ETV5: variants seen among roughly 807,000 people sequenced by gnomAD.
The protein encoded by ETV5 is ETS variant transcription factor 5.
Under a neutral mutation model 70.0 loss-of-function variants are expected in ETV5, and 10 were observed. That is an observed-to-expected ratio of 0.14 (90% confidence interval 0.09 to 0.24). The LOEUF (loss-of-function observed/expected upper bound fraction) is 0.24, where lower values mean the gene tolerates loss of function less well. Ranked by LOEUF, ETV5 falls within the 10% of genes least tolerant of loss-of-function variation. ETV5 has a pLI of 1.00. For missense variants in ETV5, 453 were observed against 651.2 expected (o/e 0.70, Z 3.31); for synonymous variants, 216 against 242.2 (o/e 0.89, Z 1.01).
In ETV5 at chr3:186,065,870, C is replaced by T. The variant is rs543445514; in HGVS notation, c.853G>A (p.Gly285Arg). 9.9e-6 allele frequency: 16 copies of T among 1,613,992 alleles called. No individual in the cohort carries two copies. The highest frequency in any genetic ancestry group is 1.7e-5 in the Admixed American group (1 of 60,016). Residue 285 changes from glycine (G) to arginine (R), a missense_variant, in exon 8 of 13, where the codon GGG (glycine) becomes AGG (arginine). Around this residue, in one of 4 missense-constraint regions of ETV5, gnomAD observed 307 missense variants for 344.9 expected, o/e 0.89. Coordinates refer to ENST00000306376, the MANE Select transcript of ETV5 (RefSeq NM_004454.3). ...VPGMPGPPAH[G>R]FQSPMGIKQE... Reference sequence around the variant, plus strand: ...TTGATTCCCATTGGTGACTGGAACCCGTGTGCTGGGGGCCCTGGCATGCCC... The same window carrying T: ...TTGATTCCCATTGGTGACTGGAACCTGTGTGCTGGGGGCCCTGGCATGCCC...
chr3:186,063,778 A>G (rs1359305901), intron 9 of ETV5, among the ~76,000 whole-genome samples: 1 of 151,836 alleles, frequency 6.6e-6, no homozygotes, highest in Non-Finnish European at 1.5e-5. Flanking sequence ...ACCCCCTGCT[A>G]GCTCACTTCC....
At chr3:186,080,579 C>G in intron 6 of ETV5, 1 of 232,266 alleles carries the variant, frequency 4.3e-6, no homozygotes, top group Non-Finnish European at 8.5e-6. Flanking sequence ...TGTTTATCTT[C>G]TAGAGCAAAG....
intron 8 of ETV5, 87 bp from the exon 9 acceptor site, chr3:186,064,563 A>G: frequency 7.4e-7 from 1 of 1,353,862 alleles, no homozygotes; most frequent in Non-Finnish European, 1.1e-6. Flanking sequence ...TCTGTGGTAA[A>G]GCCCCTAAAC....
Position 186,046,667 on chromosome 3 carries a change from T to A in ETV5, c.*1972A>T. 5.1e-6 allele frequency: 1 copy of A among 195,604 alleles called. No homozygotes were observed. The allele number at this position is 195,604 out of a possible 1,614,324, so 12.1% of individuals were successfully genotyped here. On this transcript the variant is annotated 3_prime_UTR_variant, in exon 13 of 13. Transcript: ENST00000306376. ...ATATTGCTAAGACAGCATAAATCCA[T>A]TCAAAAGAAAAAAAAAAAAAATCCA... is the stretch of plus-strand genomic sequence containing the variant.
At chr3:186,081,010 T>C (rs1326356343) in intron 6 of ETV5, 36 bp downstream of exon 6, 4 of 1,580,846 alleles carry the variant, frequency 2.5e-6, no homozygotes, top group Non-Finnish European at 3.4e-6. Context: ...AGAGCCTTTC[T>C]GGGCAGCCTT....
rs1158726596 is a variant in ETV5, at chr3:186,057,424, T to C, written c.1038A>G (p.Glu346=). The change falls in exon 10 of 13, where the codon GAA becomes GAG. Residue 346 remains glutamate (E), a splice_region_variant and synonymous_variant. Transcript: ENST00000306376. The surrounding 1 kb of genome is among the most constrained non-coding windows in gnomAD (Gnocchi z 4.9). ...CAAACCTTGGATGGGGCTACTTACC[T>C]TCCAGTCTCTCAGGCACAACACAAG... The part of the protein sequence containing the change: ...DDTCVVPERL[E]GKVKQEPTMY... 6.2e-7 allele frequency: 1 copy of C among 1,613,930 alleles called. No individual in the cohort carries two copies. Among genetic ancestry groups the C allele is most frequent in the East Asian group, 2.2e-5 (1 of 44,898 alleles).
At chr3:186,070,182 C>T (rs1046551914) in intron 7 of ETV5, among the ~76,000 whole-genome samples, 1 of 152,180 alleles carries the variant, frequency 6.6e-6, no homozygotes, top group Non-Finnish European at 1.5e-5. Flanking sequence ...ATGGTAGTAA[C>T]GCCTTCCATT....
chr3:186,054,702 C>G lies in ETV5; in HGVS notation c.1209+2373G>C, dbSNP rs192257617. 6.6e-6 allele frequency among the ~76,000 whole-genome samples: 1 copy of G among 152,140 alleles called. No homozygotes were observed. The highest frequency in any genetic ancestry group is 6.5e-5 in the Admixed American group (1 of 15,284). ...ATTACGTCCCAACAGCTTCCTCCTC[C>G]GCTTCACCCTTCAAGCTCCCCCATG... On this transcript the variant is annotated intron_variant, in intron 11 of 12. Coordinates refer to ENST00000306376, the MANE Select transcript of ETV5 (RefSeq NM_004454.3). The surrounding 1 kb of genome is among the most constrained non-coding windows in gnomAD (Gnocchi z 4.4).
rs75694702 is a variant in ETV5, at chr3:186,105,983, A to G, written c.-74-41T>C. ...GGGAGATTTTAACTAAGAGGGGGGA[A>G]AAAAAGAAATGAAACAATTTTAGAC... On this transcript the variant is annotated intron_variant, in intron 1 of 12. Transcript: ENST00000306376. The surrounding 1 kb of genome is among the most constrained non-coding windows in gnomAD (Gnocchi z 4.5). The G allele has an allele frequency of 1.7e-5, 24 of 1,409,424 alleles. No individual in the cohort carries two copies. In the South Asian group the frequency reaches 2.9e-4, roughly 17 times the overall value. 87.3% of individuals were successfully genotyped at this position (1,409,424 alleles called of 1,614,324 possible). A position where few individuals can be genotyped will look rare whatever the true frequency, so the allele number is the denominator to read the frequency against.
chr3:186,059,869 T>A (rs1055838467), intron 9 of ETV5, among the ~76,000 whole-genome samples: 3 of 152,218 alleles, frequency 2.0e-5, no homozygotes, highest in South Asian at 2.1e-4. Flanking sequence ...ATAGTCTTCA[T>A]TAAAAAATAT....
rs141915539 is a variant in ETV5, at chr3:186,101,679, C to T, written c.232+3626G>A. Among the ~76,000 whole-genome samples, 15 of 152,270 alleles carry T rather than the reference C, an allele frequency of 9.9e-5. No individual in the cohort carries two copies. In the East Asian group the frequency reaches 2.9e-3, roughly 29 times the overall value. The stretch of plus-strand genomic sequence containing the variant: ...ACTTGAATATGCCACTACTCCCTGG[C>T]TCTGCAGCTTTGTGAGAGCTTCTTT... On this transcript the variant is annotated intron_variant, in intron 5 of 12. Transcript: ENST00000306376.
intron 7 of ETV5, among the ~76,000 whole-genome samples, chr3:186,071,727 G>A (rs1390953996): frequency 6.6e-6 from 1 of 151,964 alleles, no homozygotes; most frequent in African/African-American, 2.4e-5. Context: ...GCTCGAGGCG[G>A]GCAGATCACC....
chr3:186,093,929 G>A (rs185263986), intron 5 of ETV5, among the ~76,000 whole-genome samples: 7 of 152,268 alleles, frequency 4.6e-5, no homozygotes, highest in Admixed American at 4.6e-4. Context: ...GAAGGCCCAG[G>A]GAAGAGCTCA....
At chr3:186,096,338 C>T (rs1714302484) in intron 5 of ETV5, among the ~76,000 whole-genome samples, 2 of 152,166 alleles carry the variant, frequency 1.3e-5, no homozygotes, top group Non-Finnish European at 1.5e-5. Flanking sequence ...GAGACATCCC[C>T]CCCTCTTCTA....
At chr3:186,072,313 T>A (rs1440863111) in intron 7 of ETV5, among the ~76,000 whole-genome samples, 9 of 148,748 alleles carry the variant, frequency 6.1e-5, no homozygotes, top group Admixed American at 2.0e-4. Flanking sequence ...ACCCGAGAGG[T>A]GGAGGCCAAG....
chr3:186,055,972 T>C (rs570028299), intron 11 of ETV5, among the ~76,000 whole-genome samples: 1 of 152,246 alleles, frequency 6.6e-6, no homozygotes, highest in Non-Finnish European at 1.5e-5. Flanking sequence ...AAGAAGCGTA[T>C]GTCAGTTTTT....
At chr3:186,072,319 C>T (rs977550902) in intron 7 of ETV5, among the ~76,000 whole-genome samples, 31 of 151,434 alleles carry the variant, frequency 2.0e-4, no homozygotes, top group Non-Finnish European at 4.4e-5. Flanking sequence ...GAGGTGGAGG[C>T]CAAGATCACA....
At chr3:186,080,180 C>G in intron 6 of ETV5, 76 bp from the exon 7 acceptor site, 1 of 1,272,158 alleles carries the variant, frequency 7.9e-7, no homozygotes. Context: ...CAGCAGAAAG[C>G]TAGTTTGCAG....
chr3:186,070,111 C>T (rs920223357), intron 7 of ETV5, among the ~76,000 whole-genome samples: 4 of 152,206 alleles, frequency 2.6e-5, no homozygotes, highest in Non-Finnish European at 5.9e-5. Context: ...GGCGCCCGGC[C>T]GAAGATATTC....
Sources: allele counts gnomAD v4.1 joint callset (sites outside exome capture counted in the v4.1 genomes callset), GRCh38; gene constraint gnomAD v4.1.1; regional missense constraint gnomAD v4.1.1; non-coding constraint Gnocchi (gnomAD v3.1); transcripts MANE v1.5; gene names NCBI Gene and HGNC (gene_info 2026-07-23, HGNC 2026-07-21).